DPP3: variants seen among roughly 807,000 people sequenced by gnomAD.
DPP3 encodes dipeptidyl peptidase 3.
DPP3 carries 64 observed loss-of-function variants against 89.8 expected under a neutral mutation model. The observed-to-expected ratio is 0.71, with a 90% CI of 0.58 to 0.88. The LOEUF is 0.88. Among genes scored for constraint, DPP3 ranks in the 40% least tolerant of loss-of-function variants. The pLI is 0.00. For synonymous variants in DPP3, 377 were observed against 404.3 expected (o/e 0.93, Z 0.81); for missense variants, 835 against 972.5 (o/e 0.86, Z 1.88).
At chr11:66,488,778 C>T (rs1855302210) in intron 6 of DPP3, among the ~76,000 whole-genome samples, 1 of 152,198 alleles carries the variant, frequency 6.6e-6, no homozygotes, top group Admixed American at 6.5e-5. Flanking sequence ...GCTTCATCTC[C>T]ACATCCTCCC....
chr11:66,495,086 G>A (rs913405117), intron 12 of DPP3, 120 bp from the exon 13 acceptor site: 29 of 1,438,686 alleles, frequency 2.0e-5, no homozygotes, highest in Admixed American at 1.0e-4. Flanking sequence ...TGCTGCTCCC[G>A]CCGCCCGCTC....
chr11:66,482,403 G>A lies in DPP3; in HGVS notation c.203G>A (p.Arg68His), dbSNP rs147658388. 38 of 1,610,544 alleles carry A rather than the reference G, an allele frequency of 2.4e-5. No homozygotes were observed. Among genetic ancestry groups the A allele is most frequent in the South Asian group, 8.8e-5 (8 of 91,082 alleles). ...TATGCTCTGCTCAGCCGCCTCTTCC[G>A]CGCCCAGGACCCCGACCAGCTGCGC... ...YIYALLSRLF[R>H]AQDPDQLRQH... The change falls in exon 2 of 18, where the codon CGC becomes CAC. Residue 68 changes from arginine to histidine, a missense_variant. Transcript: ENST00000531863.
chr11:66,504,491 A>T, intron 16 of DPP3, 121 bp from the exon 17 acceptor site: 1 of 1,105,134 alleles, frequency 9.0e-7, no homozygotes, highest in Non-Finnish European at 1.2e-6. Context: ...TTTGGAGGGG[A>T]CACATTCAAA....
At position 66,502,979 on chromosome 11, in the gene DPP3, A is replaced by T. The variant is rs188758148; in HGVS notation, c.1879-1633A>T. ...AAATGTTTTATTTTATTTATTTATT[A>T]TTTTTTTGAGATGGAGTCTCACTTT... On this transcript the variant is annotated intron_variant, in intron 16 of 17. Coordinates refer to ENST00000531863, the MANE Select transcript of DPP3 (RefSeq NM_130443.4). 2.5e-4 allele frequency among the ~76,000 whole-genome samples: 38 copies of T among 151,658 alleles called. No homozygotes were observed. In the South Asian group the frequency reaches 4.2e-3, roughly 17 times the overall value.
At chr11:66,493,203 C>G (rs199892198) in intron 11 of DPP3, 24 bp downstream of exon 11, 1 of 1,598,564 alleles carries the variant, frequency 6.3e-7, no homozygotes, top group African/African-American at 1.3e-5. Context: ...GTCGGAGGGT[C>G]GGGGCTGGGC....
rs191890729 is a variant in DPP3, at chr11:66,485,252, A to G, written c.350A>G (p.Asn117Ser). The G allele has an allele frequency of 1.9e-6, 3 of 1,613,928 alleles. No homozygotes were observed. The highest frequency in any genetic ancestry group is 2.5e-6 in the Non-Finnish European group (3 of 1,179,936). Residue 117 changes from asparagine to serine, a missense_variant, in exon 3 of 18, where the codon AAC becomes AGC. Transcript: ENST00000531863. The part of the protein sequence containing the change: ...KSFGDTKFVP[N>S]LPKEKLERVI... ...TTTGGTGACACCAAGTTTGTTCCCA[A>G]CTTGCCCAAGGTGAGCCAAGGGAGG...
chr11:66,486,112 T>A (rs1431123756), intron 3 of DPP3, among the ~76,000 whole-genome samples: 3 of 152,106 alleles, frequency 2.0e-5, no homozygotes, highest in South Asian at 2.1e-4. Context: ...GGCTAATTTT[T>A]AAAAATTTTT....
intron 1 of DPP3, among the ~76,000 whole-genome samples, chr11:66,481,716 C>G (rs1174165146): frequency 6.6e-6 from 1 of 151,702 alleles, no homozygotes; most frequent in Non-Finnish European, 1.5e-5. Context: ...GGTGCGGTCT[C>G]AGCTCACTGC....
intron 17 of DPP3, among the ~76,000 whole-genome samples, chr11:66,507,694 T>G (rs893538000): frequency 2.0e-5 from 3 of 151,122 alleles, no homozygotes; most frequent in Admixed American, 6.6e-5. Context: ...AAAGTTTTTT[T>G]TTTTTTTTTT....
intron 16 of DPP3, among the ~76,000 whole-genome samples, chr11:66,503,207 T>TC (rs1184282385): frequency 6.6e-6 from 1 of 151,940 alleles, no homozygotes; most frequent in Non-Finnish European, 1.5e-5. Flanking sequence ...CCTCAGGTGA[T>TC]CCGCCTGCCT....
chr11:66,486,809 C>A, intron 4 of DPP3, 132 bp downstream of exon 4: 1 of 1,115,492 alleles, frequency 9.0e-7, no homozygotes. Context: ...TGCTGCTCCC[C>A]ACTGCAGGCC....
chr11:66,503,494 C>T (rs1202870703), intron 16 of DPP3, among the ~76,000 whole-genome samples: 1 of 152,192 alleles, frequency 6.6e-6, no homozygotes, highest in Non-Finnish European at 1.5e-5. Context: ...CAAGGTTACA[C>T]TGCCTGTAAG....
chr11:66,488,545 G>T (rs186556867), intron 6 of DPP3, among the ~76,000 whole-genome samples: 2 of 145,296 alleles, frequency 1.4e-5, no homozygotes, highest in African/African-American at 5.1e-5. Context: ...CTGGGTGACA[G>T]AGCGAAGCTC....
intron 3 of DPP3, 27 bp downstream of exon 3, chr11:66,485,289 TG>T: frequency 6.3e-7 from 1 of 1,591,470 alleles, no homozygotes. Context: ...TTGGGGAAGG[TG>T]GGGATGGGGG....
intron 15 of DPP3, among the ~76,000 whole-genome samples, chr11:66,497,044 C>T (rs546947423): frequency 3.9e-4 from 59 of 152,266 alleles, no homozygotes; most frequent in African/African-American, 1.2e-3. Context: ...CACCAGGTCC[C>T]GCCTGGAAAT....
At chr11:66,483,424 A>G (rs1181028754) in intron 2 of DPP3, among the ~76,000 whole-genome samples, 1 of 152,124 alleles carries the variant, frequency 6.6e-6, no homozygotes, top group Non-Finnish European at 1.5e-5. Context: ...TAGAAATGAG[A>G]TAATGTTCTT....
In DPP3 at chr11:66,509,530, G is replaced by C; in HGVS notation, c.*279G>C. 1 of 1,047,740 alleles carries C rather than the reference G, an allele frequency of 9.5e-7. No homozygotes were observed. Among genetic ancestry groups the C allele is most frequent in the Non-Finnish European group, 1.4e-6 (1 of 702,010 alleles). The allele number at this position is 1,047,740 out of a possible 1,614,324, so 64.9% of individuals were successfully genotyped here. On this transcript the variant is annotated 3_prime_UTR_variant, in exon 18 of 18. Transcript: ENST00000531863. The stretch of plus-strand genomic sequence containing the variant: ...TACCAGATGAGGAAATGGCAGTTCT[G>C]AGAAGTCACTGGTCTAGATCCCGCA...
intron 6 of DPP3, among the ~76,000 whole-genome samples, chr11:66,490,923 C>T (rs572200582): frequency 6.6e-6 from 1 of 152,138 alleles, no homozygotes; most frequent in East Asian, 1.9e-4. Context: ...GCACCTACCA[C>T]CATGCCCAGC....
chr11:66,485,132 G>A, intron 2 of DPP3, 41 bp from the exon 3 acceptor site: 1 of 1,589,020 alleles, frequency 6.3e-7, no homozygotes, highest in East Asian at 2.2e-5. Flanking sequence ...GGGTCAGGGA[G>A]GCTGTGCTTC....
Sources: gnomAD v4.1 joint callset for allele counts (sites outside exome capture counted in the v4.1 genomes callset) on GRCh38, gnomAD v4.1.1 for gene constraint, MANE v1.5 for transcripts, NCBI Gene and HGNC (gene_info 2026-07-23, HGNC 2026-07-21) for gene names.